The following TSNARE1 variants were observed in gnomAD, a reference collection of about 807,000 sequenced individuals.
TSNARE1 encodes t-SNARE domain-containing protein 1.
In TSNARE1, 49 loss-of-function variants were observed where a neutral mutation model predicts 62.0. The ratio of observed to expected loss-of-function variants is 0.79; its 90% CI spans 0.63 to 1.00. The LOEUF (loss-of-function observed/expected upper bound fraction) is 1.00, where lower values mean the gene tolerates loss of function less well. TSNARE1 is among the 50% of genes least tolerant of loss of function. The pLI is 0.00. For missense variants in TSNARE1, 755 were observed against 700.1 expected (o/e 1.08, Z -0.88); for synonymous variants, 328 against 294.4 (o/e 1.11, Z -1.17).
At chr8:142,282,628 T>C (rs1215253406) in intron 11 of TSNARE1, among the ~76,000 whole-genome samples, 8 of 119,564 alleles carry the variant, frequency 6.7e-5, no homozygotes, top group African/African-American at 2.4e-4. Flanking sequence ...TGTCTGTCAA[T>C]GAGCAGAGGC....
intron 1 of TSNARE1, among the ~76,000 whole-genome samples, chr8:142,360,941 G>T (rs1467491401): frequency 6.6e-6 from 1 of 152,170 alleles, no homozygotes. Flanking sequence ...CAGGGGGCCA[G>T]GCCCCCACAC....
At chr8:142,221,619 A>G (rs1353171702) in intron 13 of TSNARE1, among the ~76,000 whole-genome samples, 3 of 152,028 alleles carry the variant, frequency 2.0e-5, no homozygotes, top group Admixed American at 6.5e-5. Context: ...GCCCTCACTC[A>G]CTCATTCACA....
chr8:142,335,525 GAAAC>G (rs1409214716), intron 4 of TSNARE1, among the ~76,000 whole-genome samples: 6 of 151,434 alleles, frequency 4.0e-5, no homozygotes, highest in Middle Eastern at 6.9e-3. Context: ...ACTAAAAAAA[GAAAC>G]AAACAGGAAT....
chr8:142,388,759 T>C (rs1016910960), intron 1 of TSNARE1, among the ~76,000 whole-genome samples: 4 of 152,048 alleles, frequency 2.6e-5, no homozygotes, highest in African/African-American at 4.8e-5. Flanking sequence ...GGTTTTGCCA[T>C]GTTGGCCAGG....
At chr8:142,353,896 C>A (rs1276524522) in intron 2 of TSNARE1, among the ~76,000 whole-genome samples, 1 of 117,502 alleles carries the variant, frequency 8.5e-6, no homozygotes, top group Non-Finnish European at 1.7e-5. Context: ...CGAGGCCTGG[C>A]ACTGGGTGGA....
rs1364250634 is a variant in TSNARE1 at position 142,276,036 on chromosome 8, G to A, written c.1364-1173C>T. 28 of 985,280 alleles carry A rather than the reference G, an allele frequency of 2.8e-5. No individual in the cohort carries two copies. The South Asian group carries it at 4.2e-4, about 15-fold the overall frequency. The allele number at this position is 985,280 out of a possible 1,614,324, so 61.0% of individuals were successfully genotyped here. ...CCACCCAGGCCTCACAGGGATCCTT[G>A]AACCCTTGGTCACCAGCTCCACCCC... is the stretch of plus-strand genomic sequence containing the variant. On this transcript the variant is annotated intron_variant, in intron 11 of 13. Transcript: ENST00000524325.
chr8:142,224,164 G>A (rs898608663), intron 13 of TSNARE1, among the ~76,000 whole-genome samples: 1 of 152,218 alleles, frequency 6.6e-6, no homozygotes, highest in Non-Finnish European at 1.5e-5. Context: ...ATGGGGCCTG[G>A]AGAGGCTTCT....
At chr8:142,305,012 G>C (rs1314594732) in intron 9 of TSNARE1, among the ~76,000 whole-genome samples, 1 of 152,204 alleles carries the variant, frequency 6.6e-6, no homozygotes, top group Non-Finnish European at 1.5e-5. Flanking sequence ...GGGGCAGCCC[G>C]GCTGGTGTGC....
chr8:142,249,435 C>T (rs1818044778), intron 12 of TSNARE1, among the ~76,000 whole-genome samples: 1 of 152,118 alleles, frequency 6.6e-6, no homozygotes, highest in Admixed American at 6.5e-5. Flanking sequence ...GGAAGGGGGA[C>T]AGCCGACCTG....
rs186385256 is a variant in TSNARE1, at chr8:142,240,654, T to C, written c.1447-11075A>G. On this transcript the variant is annotated intron_variant, in intron 12 of 13. Transcript: ENST00000524325. ...AGTGTTGGACATAAAAGAAATTCTC[T>C]GAGCAAAATGCAATTGTTAGAAGGT... Among the ~76,000 whole-genome samples the C allele has an allele frequency of 3.4e-3, 517 of 152,308 alleles. 2 individuals are homozygous for C. The highest frequency in any genetic ancestry group is 0.012 in the African/African-American group (494 of 41,560).
At chr8:142,300,386 A>G in intron 10 of TSNARE1, 100 bp downstream of exon 10, 2 of 1,397,768 alleles carry the variant, frequency 1.4e-6, no homozygotes, top group Non-Finnish European at 1.9e-6. Context: ...CTCCAGGTCA[A>G]GGGCAAGCAA....
chr8:142,349,566 G>A (rs1833824740), intron 2 of TSNARE1, among the ~76,000 whole-genome samples: 2 of 152,140 alleles, frequency 1.3e-5, no homozygotes, highest in Non-Finnish European at 2.9e-5. Context: ...GGGAAGCCAG[G>A]GGCCATATCT....
At chr8:142,268,374 G>A (rs945102953) in intron 12 of TSNARE1, among the ~76,000 whole-genome samples, 29 of 152,206 alleles carry the variant, frequency 1.9e-4, no homozygotes, top group East Asian at 1.9e-4. Context: ...AGGTGAAGCC[G>A]GCTCTCCTAG....
chr8:142,356,973 G>GAGCACCGAGA (rs1375574867), intron 1 of TSNARE1, among the ~76,000 whole-genome samples: 1 of 152,094 alleles, frequency 6.6e-6, no homozygotes, highest in Admixed American at 6.6e-5. Context: ...GAACACAGAG[G>GAGCACCGAGA]AGCACCGAGA....
At chr8:142,214,120 G>A (rs1317203940) in intron 13 of TSNARE1, among the ~76,000 whole-genome samples, 4 of 152,214 alleles carry the variant, frequency 2.6e-5, no homozygotes, top group African/African-American at 9.6e-5. Flanking sequence ...CTCAGGGACT[G>A]GCCGACTCTG....
rs990182009 is a variant in TSNARE1 at position 142,294,997 on chromosome 8, C to G, written c.1290+5489G>C. On this transcript the variant is annotated intron_variant, in intron 10 of 13. Coordinates refer to ENST00000524325, the MANE Select transcript of TSNARE1 (RefSeq NM_145003.5). ...CCAACACCCGGAGTCCTGGGAGGCT[C>G]GGGGCTCCAGCCCGGACCAGCACCA... 3.9e-5 allele frequency among the ~76,000 whole-genome samples: 6 copies of G among 152,166 alleles called. No individual in the cohort carries two copies. In the South Asian group the frequency reaches 1.0e-3, roughly 26 times the overall value.
intron 1 of TSNARE1, among the ~76,000 whole-genome samples, chr8:142,397,286 G>A (rs1335326061): frequency 1.3e-5 from 2 of 152,050 alleles, no homozygotes; most frequent in Non-Finnish European, 2.9e-5. Flanking sequence ...CGCCTACCCT[G>A]GGGCTGCACT....
At chr8:142,292,417 A>G (rs973524991) in intron 10 of TSNARE1, among the ~76,000 whole-genome samples, 1 of 152,162 alleles carries the variant, frequency 6.6e-6, no homozygotes, top group East Asian at 1.9e-4. Context: ...GCATGACTGC[A>G]ATGTGCTTGC....
intron 12 of TSNARE1, among the ~76,000 whole-genome samples, chr8:142,252,499 G>A (rs1014156678): frequency 2.6e-5 from 4 of 152,206 alleles, no homozygotes; most frequent in African/African-American, 4.8e-5. Context: ...GGGAAGAAGC[G>A]GCAGCCGCCT....
Sources: allele counts gnomAD v4.1 joint callset (sites outside exome capture counted in the v4.1 genomes callset), GRCh38; gene constraint gnomAD v4.1.1; transcripts MANE v1.5; gene names NCBI Gene and HGNC (gene_info 2026-07-23, HGNC 2026-07-21).